The following CDKAL1 variants were observed in gnomAD, a reference collection of about 807,000 sequenced individuals.
CDKAL1 encodes the protein CDKAL1 threonylcarbamoyladenosine tRNA methylthiotransferase, also known as threonylcarbamoyladenosine tRNA methylthiotransferase.
A neutral mutation model predicts 68.2 loss-of-function variants in CDKAL1; 32 were observed. That is an observed-to-expected ratio of 0.47 (90% confidence interval 0.35 to 0.63). CDKAL1 has a LOEUF of 0.63. Among genes scored for constraint, CDKAL1 ranks in the 30% least tolerant of loss-of-function variants. The probability of loss-of-function intolerance (pLI) is 0.00; values close to 1 mark genes in which losing one functional copy is unlikely to be tolerated. For synonymous variants in CDKAL1, 234 were observed against 244.3 expected, an observed-to-expected ratio of 0.96 and a Z score of 0.39; for missense variants, 606 against 696.7, an observed-to-expected ratio of 0.87 and a Z score of 1.47.
rs200871842 is a variant in CDKAL1, at chr6:20,564,439, T to TG, written c.286+15735dup. On this transcript the variant is annotated intron_variant, in intron 4 of 15. Transcript: ENST00000274695. ...TGCATTTTTTGATGAAAAAGTGTGT[T>TG]GAATGTTTTATCTACAAATGTTTTA... 1.3e-3 allele frequency among the ~76,000 whole-genome samples: 198 copies of TG among 152,362 alleles called. 5 individuals carry two copies. In the East Asian group the frequency reaches 0.036, roughly 28 times the overall value.
At chr6:20,638,469 T>C (rs1454105381) in intron 4 of CDKAL1, among the ~76,000 whole-genome samples, 1 of 152,188 alleles carries the variant, frequency 6.6e-6, no homozygotes, top group Non-Finnish European at 1.5e-5. Flanking sequence ...ACATTGCTTG[T>C]AAGATGGGCC....
intron 4 of CDKAL1, among the ~76,000 whole-genome samples, chr6:20,638,742 CAA>C (rs760747866): frequency 1.6e-3 from 158 of 100,502 alleles, no homozygotes; most frequent in Admixed American, 3.4e-3. Flanking sequence ...TCTGGGATTA[CAA>C]ACGCGCGCCA....
At chr6:20,622,528 C>T (rs1453191974) in intron 4 of CDKAL1, among the ~76,000 whole-genome samples, 1 of 152,022 alleles carries the variant, frequency 6.6e-6, no homozygotes, top group African/African-American at 2.4e-5. Flanking sequence ...TTTGCCTACT[C>T]TGCTTCTAGA....
chr6:20,661,611 T>C (rs58723416), intron 5 of CDKAL1, among the ~76,000 whole-genome samples: 20,084 of 150,602 alleles, frequency 0.13, 1,575 homozygotes, highest in East Asian at 0.38. Flanking sequence ...AAAAACCAAA[T>C]GAAACTGTAA....
intron 13 of CDKAL1, among the ~76,000 whole-genome samples, chr6:21,127,594 A>T (rs569537801): frequency 6.6e-6 from 1 of 152,172 alleles, no homozygotes; most frequent in South Asian, 2.1e-4. Flanking sequence ...TACTAAAAAT[A>T]CAAAAATTAG....
chr6:20,581,729 T>C (rs1355563325), intron 4 of CDKAL1, among the ~76,000 whole-genome samples: 2 of 152,140 alleles, frequency 1.3e-5, no homozygotes, highest in African/African-American at 4.8e-5. Flanking sequence ...TAATCTCCAG[T>C]TTTGGTATGA....
At chr6:20,985,448 C>T (rs1581966711) in intron 10 of CDKAL1, among the ~76,000 whole-genome samples, 1 of 152,146 alleles carries the variant, frequency 6.6e-6, no homozygotes, top group African/African-American at 2.4e-5. Context: ...CACCCGCCAC[C>T]ACTCCCAGCT....
intron 7 of CDKAL1, among the ~76,000 whole-genome samples, chr6:20,768,232 T>C (rs9465886): frequency 0.45 from 67,467 of 151,554 alleles, 15,170 homozygotes; most frequent in South Asian, 0.5. Flanking sequence ...CTAACAATGC[T>C]ATCTTTAACA....
In CDKAL1 at chr6:21,123,561, C is replaced by T. The variant is rs1309424812; in HGVS notation, c.1299+15098C>T. Among the ~76,000 whole-genome samples, 2 of 152,202 alleles carry T rather than the reference C, an allele frequency of 1.3e-5. 1 individual carries two copies. The highest frequency in any genetic ancestry group is 3.8e-4 in the East Asian group (2 of 5,202). ...TAAGTTTAGTTGATAGGGCTTGAGT[C>T]AGAGTCTTGTTAAAAACTCAACCTG... is the stretch of plus-strand genomic sequence containing the variant. On this transcript the variant is annotated intron_variant, in intron 13 of 15. Coordinates refer to ENST00000274695, the MANE Select transcript of CDKAL1 (RefSeq NM_017774.3).
intron 15 of CDKAL1, among the ~76,000 whole-genome samples, chr6:21,219,994 G>T (rs748157508): frequency 6.6e-6 from 1 of 152,180 alleles, no homozygotes; most frequent in Non-Finnish European, 1.5e-5. Flanking sequence ...CATCAGTAAA[G>T]CATCTTGACC....
intron 10 of CDKAL1, among the ~76,000 whole-genome samples, chr6:20,984,427 C>G (rs775705003): frequency 6.6e-5 from 10 of 152,254 alleles, no homozygotes; most frequent in African/African-American, 2.4e-4. Context: ...GTGCCCGAGA[C>G]CCCTGAAGCC....
intron 10 of CDKAL1, among the ~76,000 whole-genome samples, chr6:20,990,724 C>G (rs536119301): frequency 1.8e-4 from 27 of 152,316 alleles, no homozygotes; most frequent in Admixed American, 6.5e-4. Context: ...TACTTAGTAG[C>G]TGTTACAGTG....
intron 4 of CDKAL1, among the ~76,000 whole-genome samples, chr6:20,645,770 TTTTATTTTA>T (rs1160865634): frequency 6.9e-5 from 4 of 57,680 alleles, no homozygotes; most frequent in South Asian, 7.0e-4. Context: ...AAATAAATAA[TTTTATTTTA>T]TTTATTTATT....
At chr6:20,861,370 T>C (rs1759619925) in intron 9 of CDKAL1, among the ~76,000 whole-genome samples, 1 of 152,252 alleles carries the variant, frequency 6.6e-6, no homozygotes, top group Non-Finnish European at 1.5e-5. Flanking sequence ...AGTGCTGGAT[T>C]TGACTCAGGG....
At chr6:20,847,466 C>A (rs546549623) in intron 9 of CDKAL1, among the ~76,000 whole-genome samples, 5 of 152,196 alleles carry the variant, frequency 3.3e-5, no homozygotes, top group Admixed American at 2.6e-4. Context: ...CATAGATGAT[C>A]TATCTACCAA....
chr6:20,603,886 C>T (rs1299274051), intron 4 of CDKAL1, among the ~76,000 whole-genome samples: 1 of 146,436 alleles, frequency 6.8e-6, no homozygotes, highest in African/African-American at 2.5e-5. Context: ...AAGCGATTCT[C>T]CAGCCTCAGC....
At position 20,756,866 on chromosome 6, in the gene CDKAL1, T is replaced by TCC. The variant is rs71540606; in HGVS notation, c.469-1728_469-1727dup. The TCC allele has an allele frequency of 2.8e-4, 13 of 46,572 alleles. 1 individual carries two copies. The South Asian group carries it at 4.7e-3, about 17-fold the overall frequency. The allele number at this position is 46,572 out of a possible 1,614,324, so 2.9% of individuals were successfully genotyped here. A position where few individuals can be genotyped will look rare whatever the true frequency, so the allele number is the denominator to read the frequency against. On this transcript the variant is annotated intron_variant, in intron 6 of 15. Coordinates refer to ENST00000274695, the MANE Select transcript of CDKAL1 (RefSeq NM_017774.3). ...TTCCTTCCTTCTCCCCTTCCTTCCT[T>TCC]CCTTCCTTCCTTCCTTCCTTCCTTC...
At chr6:21,080,302 C>G (rs1039155599) in intron 12 of CDKAL1, among the ~76,000 whole-genome samples, 5 of 152,052 alleles carry the variant, frequency 3.3e-5, no homozygotes, top group Non-Finnish European at 5.9e-5. Flanking sequence ...ACAAACATGA[C>G]TAATCTGGAG....
chr6:21,140,076 A>G (rs1476833976), intron 13 of CDKAL1, among the ~76,000 whole-genome samples: 3 of 152,186 alleles, frequency 2.0e-5, no homozygotes, highest in African/African-American at 7.2e-5. Flanking sequence ...ACAGAAGATC[A>G]AGGAGGAGGA....
Sources: allele counts gnomAD v4.1 joint callset (sites outside exome capture counted in the v4.1 genomes callset), GRCh38; gene constraint gnomAD v4.1.1; transcripts MANE v1.5; gene names NCBI Gene and HGNC (gene_info 2026-07-23, HGNC 2026-07-21).